The following ZNF385B variants were observed in gnomAD, a reference collection of about 807,000 sequenced individuals.
The protein encoded by ZNF385B is zinc finger protein 385B.
A neutral mutation model predicts 39.2 loss-of-function variants in ZNF385B; 23 were observed. That is an observed-to-expected ratio of 0.59 (90% CI 0.42 to 0.83). ZNF385B has a LOEUF of 0.83. Ranked by LOEUF, ZNF385B falls within the 40% of genes least tolerant of loss-of-function variation. The probability of loss-of-function intolerance (pLI) is 0.00; values close to 1 mark genes in which losing one functional copy is unlikely to be tolerated. For synonymous variants in ZNF385B, 205 were observed against 222.6 expected (o/e 0.92, Z 0.70); for missense variants, 552 against 598.9 (o/e 0.92, Z 0.82).
intron 4 of ZNF385B, among the ~76,000 whole-genome samples, chr2:179,525,999 T>C (rs527902231): frequency 6.6e-6 from 1 of 151,248 alleles, no homozygotes; most frequent in South Asian, 2.1e-4. Flanking sequence ...GAAATACAAA[T>C]GATTGCATAT....
At chr2:179,682,593 G>C (rs62175165) in intron 3 of ZNF385B, among the ~76,000 whole-genome samples, 29,387 of 152,076 alleles carry the variant, frequency 0.19, 3,111 homozygotes, top group Admixed American at 0.25. Context: ...TATGGCACAG[G>C]CCTGTGTAAT....
chr2:179,757,416 C>A (rs1192833716), intron 3 of ZNF385B, among the ~76,000 whole-genome samples: 1 of 152,296 alleles, frequency 6.6e-6, no homozygotes, highest in African/African-American at 2.4e-5. Context: ...GTCAGGGACC[C>A]ACTTGAGGAG....
chr2:179,594,421 C>T (rs530347681), intron 3 of ZNF385B, among the ~76,000 whole-genome samples: 1 of 152,272 alleles, frequency 6.6e-6, no homozygotes, highest in African/African-American at 2.4e-5. Context: ...TTATAATATA[C>T]CTACTTTTTT....
intron 3 of ZNF385B, among the ~76,000 whole-genome samples, chr2:179,603,918 A>G (rs1331058685): frequency 6.6e-6 from 1 of 152,316 alleles, no homozygotes; most frequent in Middle Eastern, 3.4e-3. Context: ...AAAAATAACT[A>G]TAGTGTGATA....
intron 1 of ZNF385B, among the ~76,000 whole-genome samples, chr2:179,785,929 C>G (rs1704969373): frequency 6.6e-6 from 1 of 152,162 alleles, no homozygotes; most frequent in African/African-American, 2.4e-5. Flanking sequence ...TATCAAACAG[C>G]ATTGCATGCT....
rs574591726 is a variant in ZNF385B, at chr2:179,588,165, T to A, written c.299-43196A>T. On this transcript the variant is annotated intron_variant, in intron 3 of 9. Transcript: ENST00000410066. Reference sequence around the variant, plus strand: ...GTGCAGTGGCACCATCTCGGCTCACTGCAAGCTCCGCCTCCTGGGTTCACG... The same window carrying A: ...GTGCAGTGGCACCATCTCGGCTCACAGCAAGCTCCGCCTCCTGGGTTCACG... Among the ~76,000 whole-genome samples, 18 of 152,248 alleles carry A rather than the reference T, an allele frequency of 1.2e-4. No individual in the cohort carries two copies. In the South Asian group the frequency reaches 3.7e-3, roughly 32 times the overall value.
At chr2:179,751,372 T>C (rs1252108463) in intron 3 of ZNF385B, among the ~76,000 whole-genome samples, 1 of 152,242 alleles carries the variant, frequency 6.6e-6, no homozygotes, top group African/African-American at 2.4e-5. Flanking sequence ...ACTTTCAATA[T>C]ACTCATGGCA....
At chr2:179,762,380 C>T (rs4390734) in intron 3 of ZNF385B, among the ~76,000 whole-genome samples, 7,983 of 151,958 alleles carry the variant, frequency 0.053, 275 homozygotes, top group Middle Eastern at 0.099. Context: ...TTAGTAGAGA[C>T]GGGGTTTTGC....
intron 6 of ZNF385B, among the ~76,000 whole-genome samples, chr2:179,476,743 G>C (rs1177688858): frequency 6.6e-6 from 1 of 152,156 alleles, no homozygotes; most frequent in Non-Finnish European, 1.5e-5. Context: ...ATTTTTTTAA[G>C]TTGACCTTGA....
At chr2:179,647,522 A>G (rs1692825604) in intron 3 of ZNF385B, among the ~76,000 whole-genome samples, 1 of 152,164 alleles carries the variant, frequency 6.6e-6, no homozygotes, top group African/African-American at 2.4e-5. Flanking sequence ...AAAGAGGACC[A>G]CAGTCTCCTG....
intron 3 of ZNF385B, among the ~76,000 whole-genome samples, chr2:179,576,954 C>T (rs543651379): frequency 3.3e-5 from 5 of 152,226 alleles, no homozygotes; most frequent in South Asian, 2.1e-4. Context: ...TGATAAAAAC[C>T]GGTCCTTTTG....
chr2:179,823,980 G>A (rs1707543949), intron 1 of ZNF385B, among the ~76,000 whole-genome samples: 1 of 152,110 alleles, frequency 6.6e-6, no homozygotes, highest in South Asian at 2.1e-4. Flanking sequence ...TCCAGTGACA[G>A]GGTTTGGCTT....
intron 3 of ZNF385B, chr2:179,659,959 C>T (rs1694273935): frequency 6.6e-6 from 1 of 152,546 alleles, no homozygotes; most frequent in African/African-American, 2.4e-5. Context: ...ATACTAAACA[C>T]AACATTGCCC....
At chr2:179,480,936 A>C (rs568110266) in intron 6 of ZNF385B, 1 of 152,322 alleles carries the variant, frequency 6.6e-6, no homozygotes, top group South Asian at 2.1e-4. Context: ...ATCTGTAGTC[A>C]CAAAGTGAGT....
intron 1 of ZNF385B, among the ~76,000 whole-genome samples, chr2:179,807,929 A>AGAAAGAAAGAAG (rs749760813): frequency 0.039 from 4,559 of 115,670 alleles, 104 homozygotes; most frequent in South Asian, 0.076. Flanking sequence ...AAAGAAAGAA[A>AGAAAGAAAGAAG]GAAGGAAGGA....
intron 3 of ZNF385B, among the ~76,000 whole-genome samples, chr2:179,712,312 C>T (rs914023283): frequency 6.6e-6 from 1 of 152,134 alleles, no homozygotes; most frequent in Non-Finnish European, 1.5e-5. Flanking sequence ...TCCCTGGTAG[C>T]AACTTCAAAC....
chr2:179,857,081 G>T (rs1052403624), intron 1 of ZNF385B, among the ~76,000 whole-genome samples: 2 of 152,092 alleles, frequency 1.3e-5, no homozygotes, highest in Non-Finnish European at 2.9e-5. Context: ...ACCAGAATCT[G>T]CATTTTAATA....
chr2:179,572,495 T>A (rs1262275327), intron 3 of ZNF385B, among the ~76,000 whole-genome samples: 2 of 152,030 alleles, frequency 1.3e-5, no homozygotes, highest in Non-Finnish European at 2.9e-5. Flanking sequence ...TAGTAACCTA[T>A]GTGAGAGACA....
At chr2:179,757,410 G>A (rs1344416412) in intron 3 of ZNF385B, among the ~76,000 whole-genome samples, 1 of 151,726 alleles carries the variant, frequency 6.6e-6, no homozygotes, top group East Asian at 1.9e-4. Context: ...CTCGGGGTCA[G>A]GGACCCACTT....
Sources: gnomAD v4.1 joint callset for allele counts (sites outside exome capture counted in the v4.1 genomes callset) on GRCh38, gnomAD v4.1.1 for gene constraint, MANE v1.5 for transcripts, NCBI Gene and HGNC (gene_info 2026-07-23, HGNC 2026-07-21) for gene names.